SCML4: variants seen among roughly 807,000 people sequenced by gnomAD.
SCML4 encodes the protein Scm polycomb group protein like 4.
Under a neutral mutation model 41.1 loss-of-function variants are expected in SCML4, and 34 were observed. The ratio of observed to expected loss-of-function variants is 0.83; its 90% CI spans 0.63 to 1.10. The LOEUF (loss-of-function observed/expected upper bound fraction) is 1.10, where lower values mean the gene tolerates loss of function less well. Among genes scored for constraint, SCML4 ranks in the 50% least tolerant of loss-of-function variants. SCML4 has a pLI of 0.00. For synonymous variants in SCML4, 214 were observed against 220.9 expected, an observed-to-expected ratio of 0.97 and a Z score of 0.28; for missense variants, 522 against 534.1, an observed-to-expected ratio of 0.98 and a Z score of 0.22.
rs959901101 is a variant in SCML4, at chr6:107,772,297, G to A, written c.31C>T (p.Arg11Ter). 4.5e-6 allele frequency: 7 copies of A among 1,551,390 alleles called. No homozygotes were observed. Among genetic ancestry groups the A allele is most frequent in the African/African-American group, 2.7e-5 (2 of 73,006 alleles). The change falls in exon 2 of 8, where the codon CGA becomes TGA. Residue 11 changes from arginine (R) to a stop codon, truncating the protein, a stop_gained. Transcript: ENST00000369020. LOFTEE classifies it high-confidence loss of function. MQSQRIPGRK[R>*]GRPSLHSTPM... is the part of the protein sequence containing the mutation. ...GTGGAGTGAAGTGAGGGTCGGCCTCGCTTTCTCCCCGGGATCCTTTGAGAC... is the reference window on the plus strand; with the variant it reads ...GTGGAGTGAAGTGAGGGTCGGCCTCACTTTCTCCCCGGGATCCTTTGAGAC...
the SCML4 span, among the ~76,000 whole-genome samples, chr6:107,837,091 G>A: frequency 4.6e-4 from 70 of 152,244 alleles, no homozygotes; most frequent in Non-Finnish European, 5.9e-5. Flanking sequence ...CTGACTCTCA[G>A]TCTTGTTCTC....
At position 107,731,357 on chromosome 6, in the gene SCML4, A is replaced by G. The variant is rs144532892; in HGVS notation, c.683-10364T>C. ...CACTAACCAAATGAAGTCCTGAAAC[A>G]CAACAATTCCACTATGCAAAATTAT... On this transcript the variant is annotated intron_variant, in intron 5 of 7. Transcript: ENST00000369020. Among the ~76,000 whole-genome samples, 1,007 of 152,338 alleles carry G rather than the reference A, an allele frequency of 6.6e-3. 17 individuals carry two copies. The highest frequency in any genetic ancestry group is 0.023 in the African/African-American group (958 of 41,570).
At position 107,742,284 on chromosome 6, in the gene SCML4, G is replaced by A. The variant is rs528971195; in HGVS notation, c.682+2665C>T. On this transcript the variant is annotated intron_variant, in intron 5 of 7. Transcript: ENST00000369020. ...TGAGAATTAATGAAGATCACTTACA[G>A]GATATAGAAAATTACCTCAAAAGAC... Among the ~76,000 whole-genome samples the A allele has an allele frequency of 5.3e-5, 8 of 152,252 alleles. 1 individual carries two copies. Among genetic ancestry groups the A allele is most frequent in the African/African-American group, 1.2e-4 (5 of 41,560 alleles).
intron 1 of SCML4, among the ~76,000 whole-genome samples, chr6:107,815,656 T>A (rs2139084): frequency 6.6e-6 from 1 of 152,044 alleles, no homozygotes; most frequent in African/African-American, 2.4e-5. Context: ...TGATCACTTC[T>A]TTCTGTTGCC....
chr6:107,713,176 C>T (rs2114364331), intron 6 of SCML4, among the ~76,000 whole-genome samples: 1 of 152,370 alleles, frequency 6.6e-6, no homozygotes, highest in South Asian at 2.1e-4. Context: ...CTGCCTTACA[C>T]ATGCCCATGA....
chr6:107,751,779 G>T (rs1429697572), intron 2 of SCML4, among the ~76,000 whole-genome samples: 1 of 151,938 alleles, frequency 6.6e-6, no homozygotes, highest in East Asian at 1.9e-4. Flanking sequence ...GGGATTACAG[G>T]TGCCCGCCAC....
chr6:107,802,919 T>C (rs1434114541), intron 1 of SCML4, among the ~76,000 whole-genome samples: 1 of 151,854 alleles, frequency 6.6e-6, no homozygotes, highest in Non-Finnish European at 1.5e-5. Context: ...GGTTTTCGTA[T>C]TTTTTTGGTG....
Position 107,813,352 on chromosome 6 carries a change from G to A in SCML4, c.-60+10774C>T, listed in dbSNP as rs192820214. On this transcript the variant is annotated intron_variant, in intron 1 of 7. Coordinates refer to ENST00000369020, the MANE Select transcript of SCML4 (RefSeq NM_198081.5). Reference sequence around the variant, plus strand: ...CACTCCAGCCTGGGTGACAGAGTGAGACGCCATCTCAAAAAAATTATATAT... The same window carrying A: ...CACTCCAGCCTGGGTGACAGAGTGAAACGCCATCTCAAAAAAATTATATAT... Among the ~76,000 whole-genome samples the A allele has an allele frequency of 2.8e-3, 378 of 133,798 alleles. 5 individuals carry two copies. Among genetic ancestry groups the A allele is most frequent in the East Asian group, 0.014 (67 of 4,652 alleles). 87.8% of individuals were successfully genotyped at this position (133,798 alleles called of 152,430 possible).
intron 2 of SCML4, among the ~76,000 whole-genome samples, chr6:107,755,014 G>A (rs1309466029): frequency 6.6e-6 from 1 of 152,004 alleles, no homozygotes; most frequent in African/African-American, 2.4e-5. Context: ...TGAGGCAGGA[G>A]GATTGCTTGA....
At chr6:107,825,629 AGAG>A (rs1785219271), upstream of SCML4, among the ~76,000 whole-genome samples, 2 of 152,196 alleles carry the variant, frequency 1.3e-5, no homozygotes, top group Non-Finnish European at 2.9e-5. Context: ...AGAAGGAGGA[AGAG>A]GAGAAGAAAA....
At chr6:107,803,448 G>A (rs1275216933) in intron 1 of SCML4, among the ~76,000 whole-genome samples, 1 of 148,726 alleles carries the variant, frequency 6.7e-6, no homozygotes, top group African/African-American at 2.5e-5. Flanking sequence ...CCCCCGCCCG[G>A]CCAGCCGCCC....
intron 1 of SCML4, among the ~76,000 whole-genome samples, chr6:107,803,469 G>T (rs1272995066): frequency 6.7e-6 from 1 of 149,630 alleles, no homozygotes; most frequent in Admixed American, 6.6e-5. Flanking sequence ...GGTCCGGGAG[G>T]TGAGGGGCGC....
Position 107,817,626 on chromosome 6 carries a change from AAAAAAAAAAG to A in SCML4, c.-60+6490_-60+6499del, listed in dbSNP as rs903091853. Among the ~76,000 whole-genome samples, 44 of 126,264 alleles carry A rather than the reference AAAAAAAAAAG, an allele frequency of 3.5e-4. No individual in the cohort carries two copies. The East Asian group carries it at 8.1e-3, about 23-fold the overall frequency. The allele number at this position is 126,264 out of a possible 152,430, so 82.8% of individuals were successfully genotyped here. On this transcript the variant is annotated intron_variant, in intron 1 of 7. Coordinates refer to ENST00000369020, the MANE Select transcript of SCML4 (RefSeq NM_198081.5). ...ACAGAGGAAGACTTCATCTCAAAAA[AAAAAAAAAAG>A]AAAAAAAAAAATCACTGAATGTACT...
chr6:107,787,998 C>T (rs909152204), intron 1 of SCML4, among the ~76,000 whole-genome samples: 1 of 152,186 alleles, frequency 6.6e-6, no homozygotes, highest in Non-Finnish European at 1.5e-5. Flanking sequence ...AAAGATACCA[C>T]CTCGGACCCA....
At chr6:107,747,968 G>A (rs910100058) in intron 3 of SCML4, among the ~76,000 whole-genome samples, 30 of 152,092 alleles carry the variant, frequency 2.0e-4, no homozygotes, top group Non-Finnish European at 2.9e-4. Context: ...CAGACTATTT[G>A]CTTTAAGATT....
chr6:107,821,948 C>T (rs1190563731), intron 1 of SCML4, among the ~76,000 whole-genome samples: 2 of 152,196 alleles, frequency 1.3e-5, no homozygotes, highest in Non-Finnish European at 2.9e-5. Flanking sequence ...ACCTACGAAG[C>T]ACTCTAACAT....
In SCML4 at chr6:107,731,801, G is replaced by A. The variant is rs544032450; in HGVS notation, c.683-10808C>T. 2.0e-5 allele frequency among the ~76,000 whole-genome samples: 3 copies of A among 152,372 alleles called. No individual in the cohort carries two copies. The South Asian group carries it at 6.2e-4, about 32-fold the overall frequency. The stretch of plus-strand genomic sequence containing the variant: ...GTGCAGTTCGCAGATTTGTAGAGCT[G>A]TGGAGCAGCTACCCCTCTTTGCTTA... On this transcript the variant is annotated intron_variant, in intron 5 of 7. Transcript: ENST00000369020.
At chr6:107,784,233 C>G (rs1056652600) in intron 1 of SCML4, among the ~76,000 whole-genome samples, 1 of 152,160 alleles carries the variant, frequency 6.6e-6, no homozygotes, top group South Asian at 2.1e-4. Context: ...TATTTTAAAG[C>G]ATGGAGTCTG....
intron 1 of SCML4, among the ~76,000 whole-genome samples, chr6:107,817,325 A>C (rs1022883496): frequency 6.6e-6 from 1 of 152,182 alleles, no homozygotes; most frequent in Non-Finnish European, 1.5e-5. Context: ...TTCTGAATGT[A>C]CCTTTTTCTA....
Sources: allele counts gnomAD v4.1 joint callset (sites outside exome capture counted in the v4.1 genomes callset), GRCh38; gene constraint gnomAD v4.1.1; transcripts MANE v1.5; gene names NCBI Gene and HGNC (gene_info 2026-07-23, HGNC 2026-07-21).